Variants in EGR2 observed in about 807,000 individuals in gnomAD.
The protein encoded by EGR2 is E3 SUMO-protein ligase EGR2.
A neutral mutation model predicts 21.2 loss-of-function variants in EGR2; 2 were observed. That is an observed-to-expected ratio of 0.09 (90% CI 0.04 to 0.30). EGR2 has a LOEUF of 0.30. EGR2 is among the 10% of genes least tolerant of loss of function. The probability of loss-of-function intolerance (pLI) is 1.00; values close to 1 mark genes in which losing one functional copy is unlikely to be tolerated. For synonymous variants in EGR2, 282 were observed against 258.2 expected, an observed-to-expected ratio of 1.09 and a Z score of -0.88; for missense variants, 458 against 630.2, an observed-to-expected ratio of 0.73 and a Z score of 2.93.
chr10:62,818,750 C>T (rs1019841155), upstream of EGR2: 13 of 358,504 alleles, frequency 3.6e-5, no homozygotes, highest in Non-Finnish European at 5.0e-5. Context: ...AGGCACCCAC[C>T]GGCAGCAAGC....
intron 1 of EGR2, among the ~76,000 whole-genome samples, chr10:62,815,342 G>C (rs992796784): frequency 1.3e-5 from 2 of 152,210 alleles, no homozygotes; most frequent in Admixed American, 1.3e-4. Context: ...CGCGGGCGGC[G>C]GGCAGGTGGG....
rs769269296 is a variant in EGR2, at chr10:62,813,159, A to C, written c.*48T>G. 5.9e-6 allele frequency: 9 copies of C among 1,514,028 alleles called. No individual in the cohort carries two copies. The highest frequency in any genetic ancestry group is 7.9e-6 in the Non-Finnish European group (9 of 1,138,488). 93.8% of individuals were successfully genotyped at this position (1,514,028 alleles called of 1,614,324 possible). ...TTTGTTGTGCAGCTCCAGTGGACAA[A>C]GGGCCTCCGGGACCTTTGGGAGCTG... On this transcript the variant is annotated 3_prime_UTR_variant, in exon 2 of 2. Transcript: ENST00000242480. The surrounding 1 kb of genome is among the most constrained non-coding windows in gnomAD (Gnocchi z 5.7).
chr10:62,812,097 A>T lies in EGR2; in HGVS notation c.*1110T>A, dbSNP rs1020293198. On this transcript the variant is annotated 3_prime_UTR_variant, in exon 2 of 2. Transcript: ENST00000242480. Reference sequence around the variant, plus strand: ...AGAATAGATTTATTTTTTCACAACTATTAAGAGCTAATGACCAAACAAATC... The same window carrying T: ...AGAATAGATTTATTTTTTCACAACTTTTAAGAGCTAATGACCAAACAAATC... 3 of 152,826 alleles carry T rather than the reference A, an allele frequency of 2.0e-5. No homozygotes were observed. Among genetic ancestry groups the T allele is most frequent in the East Asian group, 3.7e-4 (2 of 5,344 alleles). The allele number at this position is 152,826 out of a possible 1,614,324, so 9.5% of individuals were successfully genotyped here.
chr10:62,813,215 T>A lies in EGR2; in HGVS notation c.1423A>T (p.Thr475Ser). The change falls in exon 2 of 2, where the codon ACA becomes TCA. Residue 475 changes from threonine (T) to serine (S), a missense_variant. Thr to Ser is a moderately conservative substitution (Grantham distance 58, BLOSUM62 1). Transcript: ENST00000242480. This position sits in a 1 kb window ranked among gnomAD's most constrained non-coding sequence, Gnocchi z 5.7. ...PLAPCSSRTRTP is the reference protein window; with the variant it reads ...PLAPCSSRTRSP ...TCAGCCTGAGTCTCATCTCAAGGTG[T>A]CCGGGTCCGAGAGGAGCAAGGGGCG... 1.9e-6 allele frequency: 3 copies of A among 1,566,368 alleles called. No homozygotes were observed. Among genetic ancestry groups the A allele is most frequent in the Non-Finnish European group, 1.7e-6 (2 of 1,160,206 alleles).
upstream of EGR2, chr10:62,818,505 G>T (rs903927016): frequency 1.7e-6 from 2 of 1,154,046 alleles, no homozygotes; most frequent in Admixed American, 6.6e-5. Context: ...AAGAAAGAAA[G>T]AAAAGAAAAG....
In EGR2 at chr10:62,814,797, G is replaced by C. The variant is rs1484645699; in HGVS notation, c.170-329C>G. 6.6e-6 allele frequency among the ~76,000 whole-genome samples: 1 copy of C among 152,168 alleles called. No homozygotes were observed. Among genetic ancestry groups the C allele is most frequent in the African/African-American group, 2.4e-5 (1 of 41,450 alleles). On this transcript the variant is annotated intron_variant, in intron 1 of 1. Transcript: ENST00000242480. The surrounding 1 kb of genome is among the most constrained non-coding windows in gnomAD (Gnocchi z 4.8). ...AATAGCAACAACAATATTTTAAAAAGCCTCATCCGCCCGGAGCTTTTCTCC... is the reference window on the plus strand; with the variant it reads ...AATAGCAACAACAATATTTTAAAAACCCTCATCCGCCCGGAGCTTTTCTCC...
chr10:62,818,490 C>A, upstream of EGR2: 1 of 1,090,860 alleles, frequency 9.2e-7, no homozygotes, highest in Non-Finnish European at 1.2e-6. Flanking sequence ...TCCTATTTCT[C>A]AAGAAAGAAA....
rs114237833 is a variant in EGR2, at chr10:62,812,778, C to A, written c.*429G>T. On this transcript the variant is annotated 3_prime_UTR_variant, in exon 2 of 2. Coordinates refer to ENST00000242480, the MANE Select transcript of EGR2 (RefSeq NM_000399.5). ...TCAGTTTTGCTTGTCTTTTTGCTGT[C>A]CCCACTTGAAGGGATCAGCATCTCC... 6.2e-6 allele frequency: 1 copy of A among 161,322 alleles called. No individual in the cohort carries two copies. Among genetic ancestry groups the A allele is most frequent in the East Asian group, 1.8e-4 (1 of 5,550 alleles). The allele number at this position is 161,322 out of a possible 1,614,324, so 10.0% of individuals were successfully genotyped here.
rs1251322873 is a variant in EGR2, at chr10:62,813,164, C to T, written c.*43G>A. On this transcript the variant is annotated 3_prime_UTR_variant, in exon 2 of 2. Coordinates refer to ENST00000242480, the MANE Select transcript of EGR2 (RefSeq NM_000399.5). This position sits in a 1 kb window ranked among gnomAD's most constrained non-coding sequence, Gnocchi z 5.7. ...TGTGCAGCTCCAGTGGACAAAGGGC[C>T]TCCGGGACCTTTGGGAGCTGGTGTA... The T allele has an allele frequency of 6.6e-7, 1 of 1,523,170 alleles. No individual in the cohort carries two copies. Among genetic ancestry groups the T allele is most frequent in the East Asian group, 2.3e-5 (1 of 44,320 alleles). The allele number at this position is 1,523,170 out of a possible 1,614,324, so 94.4% of individuals were successfully genotyped here.
chr10:62,816,051 G>A lies in EGR2; in HGVS notation c.-22C>T. On this transcript the variant is annotated 5_prime_UTR_variant, in exon 1 of 2. Transcript: ENST00000242480. ...TCATTTGCTCCTCGCACAACCTGGA[G>A]ACCCAACTCCCTCGCTACCTGGAGT... is the stretch of plus-strand genomic sequence containing the variant. The A allele has an allele frequency of 1.2e-6, 2 of 1,614,058 alleles. No individual in the cohort carries two copies. Among genetic ancestry groups the A allele is most frequent in the Middle Eastern group, 1.6e-4 (1 of 6,062 alleles).
Position 62,814,445 on chromosome 10 carries a change from T to C in EGR2, c.193A>G (p.Thr65Ala), listed in dbSNP as rs1842211725. 5 of 1,613,996 alleles carry C rather than the reference T, an allele frequency of 3.1e-6. No homozygotes were observed. The highest frequency in any genetic ancestry group is 1.7e-5 in the Admixed American group (1 of 60,008). Residue 65 changes from threonine to alanine, a missense_variant, in exon 2 of 2, where the codon ACT (threonine) becomes GCT (alanine). This residue lies in a region of EGR2 where 91 missense variants were observed against 105.2 expected (regional missense o/e 0.87). Coordinates refer to ENST00000242480, the MANE Select transcript of EGR2 (RefSeq NM_000399.5). This position sits in a 1 kb window ranked among gnomAD's most constrained non-coding sequence, Gnocchi z 4.8. ...AGATCCAACGACCTCTTCTCTCCAG[T>C]CATGTCAATGTTGATCATGCCATCT... ...AGDGMINIDMTGEKRSLDLPY... is the reference protein window; with the variant it reads ...AGDGMINIDMAGEKRSLDLPY...
upstream of EGR2, chr10:62,816,403 T>C (rs1002639697): frequency 1.7e-6 from 2 of 1,187,898 alleles, no homozygotes; most frequent in Admixed American, 3.7e-5. Context: ...TATGGGCAGG[T>C]CTTCAATACC....
Position 62,813,954 on chromosome 10 carries a change from T to A in EGR2, c.684A>T (p.Gly228=), listed in dbSNP as rs1021225769. ...CTCTCTGGCACTGAGATGGAAAGAA[T>A]CCAGGATAGTCTGGGATCATTGGGA... is the stretch of plus-strand genomic sequence containing the variant. ...GLFPMIPDYP[G]FFPSQCQRDL... Residue 228 remains glycine (G), a synonymous_variant, in exon 2 of 2, where the codon GGA becomes GGT. Transcript: ENST00000242480. The surrounding 1 kb of genome is among the most constrained non-coding windows in gnomAD (Gnocchi z 5.7). 6 of 1,614,074 alleles carry A rather than the reference T, an allele frequency of 3.7e-6. No homozygotes were observed. The highest frequency in any genetic ancestry group is 5.1e-6 in the Non-Finnish European group (6 of 1,180,020).
intron 1 of EGR2, among the ~76,000 whole-genome samples, chr10:62,815,646 C>T (rs985067139): frequency 1.3e-5 from 2 of 152,222 alleles, no homozygotes; most frequent in African/African-American, 2.4e-5. Context: ...GGCGCACGCA[C>T]GCCGGTTTGC....
upstream of EGR2, chr10:62,819,068 G>C (rs1486391268): frequency 6.6e-6 from 1 of 152,542 alleles, no homozygotes; most frequent in African/African-American, 2.4e-5. Context: ...CCATCAAGGA[G>C]TCTTGAAAGC....
At position 62,812,886 on chromosome 10, in the gene EGR2, G is replaced by GCC; in HGVS notation, c.*320_*321insGG. On this transcript the variant is annotated 3_prime_UTR_variant, in exon 2 of 2. Transcript: ENST00000242480. ...GATGGGTCAAAATAAGGGGAAGTGG[G>GCC]GTAGCAAAACCTAGTCAAACAACCC... The GCC allele has an allele frequency of 7.7e-6, 2 of 258,336 alleles. No homozygotes were observed. The highest frequency in any genetic ancestry group is 1.4e-4 in the South Asian group (1 of 6,978). The allele number at this position is 258,336 out of a possible 1,614,324, so 16.0% of individuals were successfully genotyped here.
At position 62,813,794 on chromosome 10, in the gene EGR2, C is replaced by T. The variant is rs1449637341; in HGVS notation, c.844G>A (p.Gly282Arg). 3.7e-6 allele frequency: 6 copies of T among 1,613,348 alleles called. No homozygotes were observed. Among genetic ancestry groups the T allele is most frequent in the East Asian group, 2.2e-5 (1 of 44,870 alleles). The change falls in exon 2 of 2, where the codon GGA (glycine) becomes AGA (arginine). Residue 282 changes from glycine (G) to arginine (R), a missense_variant. Gly to Arg is a moderately radical substitution (Grantham distance 125, BLOSUM62 -2). Transcript: ENST00000242480. The surrounding 1 kb of genome is among the most constrained non-coding windows in gnomAD (Gnocchi z 5.7). ...TLGGPSAGVTGPGASGGSEGP... is the reference protein window; with the variant it reads ...TLGGPSAGVTRPGASGGSEGP... Reference sequence around the variant, plus strand: ...TCGCTGCCTCCACTGGCCCCTGGTCCGGTCACCCCAGCACTGGGGCCCCCC... The same window carrying T: ...TCGCTGCCTCCACTGGCCCCTGGTCTGGTCACCCCAGCACTGGGGCCCCCC...
upstream of EGR2, among the ~76,000 whole-genome samples, chr10:62,817,834 C>T (rs562211582): frequency 3.9e-5 from 6 of 152,318 alleles, no homozygotes; most frequent in African/African-American, 1.2e-4. The surrounding 1 kb of genome is among the most constrained non-coding windows in gnomAD (Gnocchi z 4.4). Flanking sequence ...CGCAAAGCTT[C>T]TACCTCCCAG....
chr10:62,813,580 C>T lies in EGR2; in HGVS notation c.1058G>A (p.Arg353His). The T allele has an allele frequency of 1.2e-6, 2 of 1,612,722 alleles. No individual in the cohort carries two copies. Residue 353 changes from arginine (R) to histidine (H), a missense_variant, in exon 2 of 2, where the codon CGC (arginine) becomes CAC (histidine). Physicochemically the swap from Arg to His is conservative, Grantham distance 29. Around this residue, in one of 5 missense-constraint regions of EGR2, gnomAD observed 39 missense variants for 113.7 expected, o/e 0.34. Transcript: ENST00000242480. The surrounding 1 kb of genome is among the most constrained non-coding windows in gnomAD (Gnocchi z 5.7). ...PAEGCDRRFS[R>H]SDELTRHIRI... The stretch of plus-strand genomic sequence containing the variant: ...GATGTGCCGTGTCAGCTCGTCAGAG[C>T]GGGAGAACCGCCGGTCGCAGCCTTC...
Sources: gnomAD v4.1 joint callset for allele counts (sites outside exome capture counted in the v4.1 genomes callset) on GRCh38, gnomAD v4.1.1 for gene constraint, gnomAD v4.1.1 regional missense constraint, Gnocchi (gnomAD v3.1) non-coding constraint, MANE v1.5 for transcripts, NCBI Gene and HGNC (gene_info 2026-07-23, HGNC 2026-07-21) for gene names.